EBF1: variants seen among roughly 807,000 people sequenced by gnomAD.
EBF1 encodes the protein EBF transcription factor 1.
A neutral mutation model predicts 68.4 loss-of-function variants in EBF1; 10 were observed. The observed-to-expected ratio is 0.15, with a 90% CI of 0.09 to 0.25. EBF1 has a LOEUF of 0.25. EBF1 is among the 10% of genes least tolerant of loss of function. EBF1 has a pLI of 1.00. For synonymous variants in EBF1, 298 were observed against 299.8 expected (o/e 0.99, Z 0.06); for missense variants, 509 against 794.4 (o/e 0.64, Z 4.32).
chr5:158,930,477 T>A (rs1810635363), intron 6 of EBF1, among the ~76,000 whole-genome samples: 1 of 152,184 alleles, frequency 6.6e-6, no homozygotes, highest in African/African-American at 2.4e-5. Context: ...CACCTTCCCA[T>A]GCCCTGGAGG....
chr5:158,845,553 C>T (rs1791297123), intron 6 of EBF1, among the ~76,000 whole-genome samples: 2 of 151,900 alleles, frequency 1.3e-5, no homozygotes, highest in Admixed American at 6.5e-5. Flanking sequence ...ATCATTTATC[C>T]CTGGCAACTG....
chr5:158,932,290 T>A (rs569936126), intron 6 of EBF1, among the ~76,000 whole-genome samples: 54 of 152,322 alleles, frequency 3.5e-4, no homozygotes, highest in Non-Finnish European at 6.9e-4. Flanking sequence ...TATATCCACA[T>A]GATACAATAT....
At chr5:158,898,602 A>G (rs947919769) in intron 6 of EBF1, among the ~76,000 whole-genome samples, 4 of 152,254 alleles carry the variant, frequency 2.6e-5, no homozygotes, top group African/African-American at 7.2e-5. Flanking sequence ...ATTGTTGGGT[A>G]TAAATTCACA....
chr5:158,914,909 A>T (rs1806824053), intron 6 of EBF1, among the ~76,000 whole-genome samples: 1 of 152,250 alleles, frequency 6.6e-6, no homozygotes, highest in Admixed American at 6.5e-5. Flanking sequence ...TCCATTTAAT[A>T]TGCAAATTTC....
rs533453794 is a variant in EBF1 at position 158,777,429 on chromosome 5, G to T, written c.1020C>A (p.Gly340=). The change falls in exon 10 of 16, where the codon GGC becomes GGA. Residue 340 remains glycine, a synonymous_variant. Coordinates refer to ENST00000313708, the MANE Select transcript of EBF1 (RefSeq NM_024007.5). The part of the protein sequence containing the change: ...KSKQFCKGTP[G]RFIYTALNEP... ...GGTTCTTACCTGTATAAATGAATCT[G>T]CCTGGTGTTCCTTTGCAGAACTGCT... 4 of 1,611,716 alleles carry T rather than the reference G, an allele frequency of 2.5e-6. No homozygotes were observed. Among genetic ancestry groups the T allele is most frequent in the African/African-American group, 1.3e-5 (1 of 74,942 alleles).
intron 10 of EBF1, among the ~76,000 whole-genome samples, chr5:158,756,793 A>C (rs528959973): frequency 1.3e-5 from 2 of 152,100 alleles, no homozygotes; most frequent in South Asian, 4.1e-4. Context: ...CAAGCAGAAC[A>C]GTGTGAAATT....
At chr5:158,940,290 C>A (rs538581943) in intron 6 of EBF1, among the ~76,000 whole-genome samples, 1 of 152,290 alleles carries the variant, frequency 6.6e-6, no homozygotes, top group African/African-American at 2.4e-5. Context: ...CTGCTGAAAC[C>A]AAAGGGCAGG....
intron 6 of EBF1, among the ~76,000 whole-genome samples, chr5:159,010,803 C>T (rs1764505129): frequency 6.6e-6 from 1 of 152,198 alleles, no homozygotes; most frequent in Non-Finnish European, 1.5e-5. Context: ...AGCCCCGTAA[C>T]GAGATGATGT....
chr5:158,727,628 A>G (rs113850460), intron 11 of EBF1, among the ~76,000 whole-genome samples: 50 of 152,314 alleles, frequency 3.3e-4, no homozygotes, highest in Non-Finnish European at 6.2e-4. Context: ...GGAAACCAAA[A>G]AACATCTGGG....
At chr5:158,867,846 G>A (rs1436551906) in intron 6 of EBF1, among the ~76,000 whole-genome samples, 1 of 152,158 alleles carries the variant, frequency 6.6e-6, no homozygotes, top group African/African-American at 2.4e-5. Flanking sequence ...AGTTTGAAGT[G>A]GATTTTCCAG....
chr5:158,961,231 C>A (rs1053097050), intron 6 of EBF1, among the ~76,000 whole-genome samples: 3 of 152,176 alleles, frequency 2.0e-5, no homozygotes, highest in African/African-American at 4.8e-5. Context: ...AACAGTATAA[C>A]CTTTTTGGAG....
At chr5:158,971,843 A>G (rs767966068) in intron 6 of EBF1, among the ~76,000 whole-genome samples, 15 of 152,194 alleles carry the variant, frequency 9.9e-5, no homozygotes, top group South Asian at 2.1e-4. Context: ...CCGAGGACCT[A>G]AAGTCCATAA....
chr5:159,035,363 C>G (rs909279865), intron 6 of EBF1, among the ~76,000 whole-genome samples: 1 of 151,776 alleles, frequency 6.6e-6, no homozygotes, highest in African/African-American at 2.4e-5. Flanking sequence ...AAAGTAAATG[C>G]CAGGAAGAAA....
intron 6 of EBF1, among the ~76,000 whole-genome samples, chr5:158,903,657 A>C (rs1803933169): frequency 6.6e-6 from 1 of 152,166 alleles, no homozygotes; most frequent in Non-Finnish European, 1.5e-5. Flanking sequence ...ATTAATTTTC[A>C]AAGTGAATTC....
At chr5:158,786,767 G>C (rs1777531396) in intron 9 of EBF1, among the ~76,000 whole-genome samples, 1 of 152,108 alleles carries the variant, frequency 6.6e-6, no homozygotes, top group Non-Finnish European at 1.5e-5. Context: ...TTATGGAAGG[G>C]GATGAATGCT....
At chr5:158,987,077 G>A (rs1759235743) in intron 6 of EBF1, 3 of 152,198 alleles carry the variant, frequency 2.0e-5, no homozygotes, top group Admixed American at 6.5e-5. Context: ...TAACAGATCT[G>A]AGAAATATGA....
chr5:158,844,456 T>C (rs1008745755), intron 6 of EBF1, among the ~76,000 whole-genome samples: 2 of 152,134 alleles, frequency 1.3e-5, no homozygotes, highest in African/African-American at 2.4e-5. Flanking sequence ...ATCTCGTAAA[T>C]TGACCGAAAG....
chr5:159,051,321 C>T (rs1373635226), intron 6 of EBF1, among the ~76,000 whole-genome samples: 6 of 151,578 alleles, frequency 4.0e-5, no homozygotes, highest in Admixed American at 2.6e-4. Flanking sequence ...ACTTTCTTTG[C>T]TCCCACCCTG....
intron 6 of EBF1, among the ~76,000 whole-genome samples, chr5:159,053,075 G>A (rs1041837490): frequency 1.8e-4 from 28 of 152,202 alleles, no homozygotes; most frequent in Admixed American, 1.5e-3. Context: ...TAAGGGCTGC[G>A]CTTAGAAAAT....
Sources: gnomAD v4.1 joint callset for allele counts (sites outside exome capture counted in the v4.1 genomes callset) on GRCh38, gnomAD v4.1.1 for gene constraint, MANE v1.5 for transcripts, NCBI Gene and HGNC (gene_info 2026-07-23, HGNC 2026-07-21) for gene names.